Variants in ULK2 observed in about 807,000 individuals in gnomAD.
The protein encoded by ULK2 is unc-51 like autophagy activating kinase 2.
ULK2 carries 76 observed loss-of-function variants against 127.5 expected under a neutral mutation model. The ratio of observed to expected loss-of-function variants is 0.60; its 90% CI spans 0.50 to 0.72. The LOEUF (loss-of-function observed/expected upper bound fraction) is 0.72. ULK2 is among the 30% of genes least tolerant of loss of function. The pLI is 0.00. For missense variants in ULK2, 1,144 were observed against 1,295.9 expected (o/e 0.88, Z 1.80); for synonymous variants, 452 against 461.9 (o/e 0.98, Z 0.28).
At chr17:19,810,502 T>C in intron 13 of ULK2, 64 bp from the exon 14 acceptor site, 1 of 1,003,798 alleles carries the variant, frequency 1.0e-6, no homozygotes, top group Non-Finnish European at 1.5e-6. Flanking sequence ...CACAAATTTG[T>C]TCCAAAATGA....
chr17:19,846,911 C>T lies in ULK2; in HGVS notation c.296-1G>A, dbSNP rs2041897219. 6.2e-7 allele frequency: 1 copy of T among 1,605,642 alleles called. No individual in the cohort carries two copies. On this transcript the variant is annotated splice_acceptor_variant, in intron 5 of 26. Transcript: ENST00000395544. LOFTEE classifies it high-confidence loss of function. ...GTGTCTTCACTGAGAGTCCCTTTCGCTGGTACAAAAGGAGTCACGTAAATA... is the reference window on the plus strand; with the variant it reads ...GTGTCTTCACTGAGAGTCCCTTTCGTTGGTACAAAAGGAGTCACGTAAATA...
chr17:19,843,639 G>A (rs768532544), intron 7 of ULK2, among the ~76,000 whole-genome samples: 134 of 151,568 alleles, frequency 8.8e-4, no homozygotes, highest in Non-Finnish European at 1.4e-3. Context: ...AGGAACTTGG[G>A]CTGTCTCCAA....
intron 13 of ULK2, among the ~76,000 whole-genome samples, chr17:19,812,599 G>A (rs947201202): frequency 1.3e-5 from 2 of 152,232 alleles, no homozygotes; most frequent in African/African-American, 4.8e-5. Context: ...ATCGCAGGCT[G>A]ACTAGGAGCT....
At chr17:19,833,161 C>T (rs1033287273) in intron 10 of ULK2, among the ~76,000 whole-genome samples, 1 of 147,436 alleles carries the variant, frequency 6.8e-6, no homozygotes, top group African/African-American at 2.6e-5. Context: ...CAGAACAACC[C>T]CCAATTGGGA....
chr17:19,848,031 A>G (rs558839233), intron 5 of ULK2, among the ~76,000 whole-genome samples: 3 of 152,332 alleles, frequency 2.0e-5, no homozygotes, highest in African/African-American at 7.2e-5. Context: ...ACGAGTTGAC[A>G]TGATGATTAA....
intron 3 of ULK2, among the ~76,000 whole-genome samples, chr17:19,852,940 G>T (rs563002526): frequency 6.6e-6 from 1 of 151,846 alleles, no homozygotes; most frequent in Non-Finnish European, 1.5e-5. Context: ...GTGAGCCACC[G>T]TGCACGGCCA....
intron 22 of ULK2, 112 bp downstream of exon 22, chr17:19,783,585 G>T: frequency 1.8e-6 from 2 of 1,126,100 alleles, no homozygotes; most frequent in South Asian, 3.4e-5. Flanking sequence ...GAAAAGGCAC[G>T]TTAAAGAGAA....
chr17:19,864,881 T>C, intron 2 of ULK2, 37 bp from the exon 3 acceptor site: 1 of 1,001,098 alleles, frequency 1.0e-6, no homozygotes, highest in Non-Finnish European at 1.4e-6. Context: ...TATGTAAGTA[T>C]TCTAATGACT....
intron 13 of ULK2, among the ~76,000 whole-genome samples, chr17:19,816,221 T>C (rs1262469027): frequency 6.6e-6 from 1 of 152,226 alleles, no homozygotes; most frequent in Non-Finnish European, 1.5e-5. Flanking sequence ...TTCTTTTTAA[T>C]AGTTTTACCT....
chr17:19,785,797 T>C (rs2087016372), intron 21 of ULK2, 140 bp downstream of exon 21: 1 of 1,046,708 alleles, frequency 9.6e-7, no homozygotes, highest in Non-Finnish European at 1.3e-6. Context: ...ATAAAGAAAA[T>C]AGTAATCTCC....
chr17:19,835,461 A>T (rs1449836011), intron 10 of ULK2, among the ~76,000 whole-genome samples: 1 of 151,424 alleles, frequency 6.6e-6, no homozygotes, highest in African/African-American at 2.4e-5. Context: ...TCACGCCTGT[A>T]ATCCCAGCAC....
At chr17:19,854,558 C>A (rs1355059844) in intron 3 of ULK2, among the ~76,000 whole-genome samples, 2 of 152,034 alleles carry the variant, frequency 1.3e-5, no homozygotes, top group Non-Finnish European at 2.9e-5. Flanking sequence ...TCCTCAAAAA[C>A]AGGTAAGAGT....
intron 12 of ULK2, among the ~76,000 whole-genome samples, chr17:19,817,888 G>T (rs1178637693): frequency 6.6e-6 from 1 of 152,120 alleles, no homozygotes; most frequent in African/African-American, 2.4e-5. Flanking sequence ...ACATGCACTT[G>T]ACACAATCTC....
intron 13 of ULK2, among the ~76,000 whole-genome samples, chr17:19,815,261 T>A (rs1416155456): frequency 7.3e-5 from 11 of 150,510 alleles, no homozygotes; most frequent in Non-Finnish European, 4.4e-5. Flanking sequence ...TTTTTGTTTG[T>A]TTTTTTGTTT....
intron 10 of ULK2, among the ~76,000 whole-genome samples, chr17:19,830,129 A>G (rs899819409): frequency 6.6e-6 from 1 of 152,194 alleles, no homozygotes; most frequent in African/African-American, 2.4e-5. Context: ...AGCAGAGCAT[A>G]TATTTTTCTC....
At chr17:19,823,761 G>A (rs553395982) in intron 12 of ULK2, among the ~76,000 whole-genome samples, 2 of 152,288 alleles carry the variant, frequency 1.3e-5, no homozygotes, top group South Asian at 4.1e-4. Context: ...GTGCCAGCGT[G>A]TCTGGCTCTT....
At chr17:19,787,939 C>G (rs2087070503) in intron 20 of ULK2, among the ~76,000 whole-genome samples, 1 of 152,192 alleles carries the variant, frequency 6.6e-6, no homozygotes. Flanking sequence ...GGGGATTGCA[C>G]ATTGAACTCA....
chr17:19,823,257 T>C (rs117500794), intron 12 of ULK2, among the ~76,000 whole-genome samples: 3,047 of 151,198 alleles, frequency 0.02, 42 homozygotes, highest in Middle Eastern at 0.068. Flanking sequence ...TTTTAACATC[T>C]AAAAAAGACT....
rs945146354 is a variant in ULK2 at position 19,840,325 on chromosome 17, G to T, written c.704+1164C>A. 39 of 524,988 alleles carry T rather than the reference G, an allele frequency of 7.4e-5. 1 individual carries two copies. Among genetic ancestry groups the T allele is most frequent in the Non-Finnish European group, 1.3e-4 (35 of 259,680 alleles). The allele number at this position is 524,988 out of a possible 1,614,324, so 32.5% of individuals were successfully genotyped here. A position where few individuals can be genotyped will look rare whatever the true frequency, so the allele number is the denominator to read the frequency against. The stretch of plus-strand genomic sequence containing the variant: ...CTCATCGAAGATCCTGCCTTGATTC[G>T]TTGGACCTATGCAAGATCAGCAAAT... On this transcript the variant is annotated intron_variant, in intron 9 of 26. Transcript: ENST00000395544.
Sources: allele counts gnomAD v4.1 joint callset (sites outside exome capture counted in the v4.1 genomes callset), GRCh38; gene constraint gnomAD v4.1.1; transcripts MANE v1.5; gene names NCBI Gene and HGNC (gene_info 2026-07-23, HGNC 2026-07-21).